Variants in TXNDC16 observed in about 807,000 individuals in gnomAD.
The protein encoded by TXNDC16 is thioredoxin domain containing 16, also known as thioredoxin domain-containing protein 16.
TXNDC16 carries 74 observed loss-of-function variants against 85.6 expected under a neutral mutation model. The ratio of observed to expected loss-of-function variants is 0.86; its 90% CI spans 0.72 to 1.05. TXNDC16 has a LOEUF of 1.05. Ranked by LOEUF, TXNDC16 falls within the 50% of genes least tolerant of loss-of-function variation. TXNDC16 has a pLI of 0.00. For missense variants in TXNDC16, 959 were observed against 947.0 expected, an observed-to-expected ratio of 1.01 and a Z score of -0.17; for synonymous variants, 335 against 326.5, an observed-to-expected ratio of 1.03 and a Z score of -0.28.
intron 9 of TXNDC16, among the ~76,000 whole-genome samples, chr14:52,491,501 T>C (rs1008499131): frequency 1.3e-5 from 2 of 151,904 alleles, no homozygotes; most frequent in Non-Finnish European, 2.9e-5. Flanking sequence ...CCTGGCCCCC[T>C]ATAAGTTTAG....
At position 52,456,952 on chromosome 14, in the gene TXNDC16, C is replaced by T. The variant is rs1041286046; in HGVS notation, c.1703+138G>A. On this transcript the variant is annotated intron_variant, in intron 17 of 20. Coordinates refer to ENST00000281741, the MANE Select transcript of TXNDC16 (RefSeq NM_020784.3). ...AAAGTATTTCCCAGGTACTTTATTT[C>T]CTAGAAGGAAATAAAAAAAATTTCT... 7 of 586,718 alleles carry T rather than the reference C, an allele frequency of 1.2e-5. No individual in the cohort carries two copies. In the African/African-American group the frequency reaches 1.2e-4, roughly 10 times the overall value. 36.3% of individuals were successfully genotyped at this position (586,718 alleles called of 1,614,324 possible).
At chr14:52,459,159 TA>T (rs1454021540) in intron 16 of TXNDC16, among the ~76,000 whole-genome samples, 8 of 152,222 alleles carry the variant, frequency 5.3e-5, no homozygotes, top group Admixed American at 2.0e-4. Flanking sequence ...TTAGCAATAT[TA>T]TTTTTTCTAC....
At chr14:52,538,967 T>G (rs1437390701) in intron 4 of TXNDC16, among the ~76,000 whole-genome samples, 7 of 152,210 alleles carry the variant, frequency 4.6e-5, no homozygotes, top group African/African-American at 1.4e-4. Flanking sequence ...TTTTAAAAAT[T>G]TTTTAAGTTA....
chr14:52,470,255 A>C (rs1310470196), intron 15 of TXNDC16, 82 bp from the exon 16 acceptor site: 8 of 1,091,360 alleles, frequency 7.3e-6, no homozygotes, highest in Non-Finnish European at 1.0e-5. Context: ...TAAACATAGC[A>C]AACAATATAT....
intron 11 of TXNDC16, 108 bp from the exon 12 acceptor site, chr14:52,488,594 G>C: frequency 1.2e-6 from 1 of 835,510 alleles, no homozygotes; most frequent in Non-Finnish European, 1.8e-6. Flanking sequence ...CCAGCACTTT[G>C]GGAGGTCGAG....
chr14:52,504,030 G>C (rs2036727911), intron 9 of TXNDC16, among the ~76,000 whole-genome samples: 1 of 151,998 alleles, frequency 6.6e-6, no homozygotes, highest in Admixed American at 6.6e-5. Context: ...AGAGAAAAAA[G>C]AATAAAAAGA....
chr14:52,500,164 T>C (rs568441857), intron 9 of TXNDC16, among the ~76,000 whole-genome samples: 14 of 152,272 alleles, frequency 9.2e-5, no homozygotes, highest in African/African-American at 3.1e-4. Context: ...CCCATGTCCA[T>C]TGCAGCATTA....
chr14:52,513,643 A>G (rs983156203), intron 8 of TXNDC16, among the ~76,000 whole-genome samples: 2 of 141,726 alleles, frequency 1.4e-5, no homozygotes, highest in Non-Finnish European at 3.1e-5. Flanking sequence ...AGATATATAC[A>G]TATTCTGTGT....
intron 14 of TXNDC16, among the ~76,000 whole-genome samples, chr14:52,479,628 T>G (rs912679664): frequency 8.6e-5 from 13 of 151,730 alleles, no homozygotes; most frequent in Middle Eastern, 3.4e-3. Context: ...GGTGAAAGAC[T>G]TCTACAGGGA....
At chr14:52,463,914 A>G (rs1374552286) in intron 16 of TXNDC16, among the ~76,000 whole-genome samples, 2 of 152,250 alleles carry the variant, frequency 1.3e-5, no homozygotes, top group South Asian at 2.1e-4. Flanking sequence ...GCAAAAAAAC[A>G]AAAACAAACT....
At chr14:52,460,254 C>T (rs550305964) in intron 16 of TXNDC16, among the ~76,000 whole-genome samples, 87 of 152,148 alleles carry the variant, frequency 5.7e-4, no homozygotes, top group Admixed American at 2.4e-3. Flanking sequence ...AATTATAAAA[C>T]ACTGTTCAAA....
intron 15 of TXNDC16, 73 bp downstream of exon 15, chr14:52,470,439 T>C: frequency 6.8e-7 from 1 of 1,475,902 alleles, no homozygotes; most frequent in South Asian, 1.4e-5. Context: ...TTTTAAGTGT[T>C]AGCAAAGTCT....
At chr14:52,457,202 C>A in intron 16 of TXNDC16, 28 bp from the exon 17 acceptor site, 1 of 1,342,870 alleles carries the variant, frequency 7.4e-7, no homozygotes, top group South Asian at 1.3e-5. Flanking sequence ...AGACAAAAAT[C>A]TGAAACCTTT....
intron 7 of TXNDC16, 26 bp downstream of exon 7, chr14:52,519,146 A>C: frequency 2.5e-6 from 4 of 1,598,928 alleles, no homozygotes; most frequent in South Asian, 1.1e-5. Context: ...GGCACAGCAA[A>C]GATTAAAGCA....
intron 4 of TXNDC16, among the ~76,000 whole-genome samples, chr14:52,540,473 A>C (rs1247418292): frequency 6.6e-6 from 1 of 151,956 alleles, no homozygotes; most frequent in Non-Finnish European, 1.5e-5. Flanking sequence ...AAAACTACAA[A>C]AATTAGCCAG....
In TXNDC16 at chr14:52,519,260, G is replaced by A. The variant is rs2037155862; in HGVS notation, c.426C>T (p.Thr142=). ...CTATGTTCTGAAGGTCTTCCAGGTT[G>A]GTAATATATTTCACTTCACTAAAAA... ...ALLFSEVKYI[T]NLEDLQNIEN... Residue 142 remains threonine, a synonymous_variant, in exon 7 of 21, where the codon ACC becomes ACT. Transcript: ENST00000281741. 6.2e-7 allele frequency: 1 copy of A among 1,603,660 alleles called. No individual in the cohort carries two copies. Among genetic ancestry groups the A allele is most frequent in the South Asian group, 1.1e-5 (1 of 90,438 alleles).
intron 7 of TXNDC16, among the ~76,000 whole-genome samples, chr14:52,516,377 C>A (rs1156863504): frequency 1.3e-5 from 2 of 152,290 alleles, no homozygotes; most frequent in East Asian, 3.9e-4. Flanking sequence ...AGGTTCTAGT[C>A]ATTTCCCATT....
chr14:52,498,386 A>C (rs1394214112), intron 9 of TXNDC16, among the ~76,000 whole-genome samples: 2 of 149,784 alleles, frequency 1.3e-5, no homozygotes, highest in African/African-American at 4.9e-5. Flanking sequence ...AGGATCTTAT[A>C]TGTGCAAAAC....
intron 6 of TXNDC16, 44 bp downstream of exon 6, chr14:52,536,675 A>G: frequency 6.9e-7 from 1 of 1,455,612 alleles, no homozygotes; most frequent in Non-Finnish European, 9.4e-7. Context: ...AAATCAACAG[A>G]TAAGTAACAA....
Sources: allele counts gnomAD v4.1 joint callset (sites outside exome capture counted in the v4.1 genomes callset), GRCh38; gene constraint gnomAD v4.1.1; transcripts MANE v1.5; gene names NCBI Gene and HGNC (gene_info 2026-07-23, HGNC 2026-07-21).